Variants in ATG7 observed in about 807,000 individuals in gnomAD.
The protein encoded by ATG7 is ubiquitin-like modifier-activating enzyme ATG7.
ATG7 carries 70 observed loss-of-function variants against 82.4 expected under a neutral mutation model. That is an observed-to-expected ratio of 0.85 (90% confidence interval 0.70 to 1.04). The LOEUF (loss-of-function observed/expected upper bound fraction) is 1.04. Ranked by LOEUF, ATG7 falls within the 50% of genes least tolerant of loss-of-function variation. The pLI is 0.00. For synonymous variants in ATG7, 287 were observed against 313.0 expected, an observed-to-expected ratio of 0.92 and a Z score of 0.88; for missense variants, 792 against 864.3, an observed-to-expected ratio of 0.92 and a Z score of 1.05.
intron 18 of ATG7, among the ~76,000 whole-genome samples, chr3:11,378,625 C>T (rs1029914980): frequency 3.9e-5 from 5 of 128,288 alleles, no homozygotes; most frequent in Non-Finnish European, 6.1e-5. Context: ...GCAGAGGTTG[C>T]GGTGAGCTGA....
At chr3:11,475,908 C>CACACACACA (rs59230356) in intron 20 of ATG7, among the ~76,000 whole-genome samples, 3 of 145,556 alleles carry the variant, frequency 2.1e-5, no homozygotes, top group African/African-American at 5.3e-5. Context: ...CACACACACA[C>CACACACACA]CCCCTCCCAG....
intron 7 of ATG7, among the ~76,000 whole-genome samples, chr3:11,312,573 A>G (rs1477555703): frequency 6.6e-6 from 1 of 152,192 alleles, no homozygotes; most frequent in African/African-American, 2.4e-5. Flanking sequence ...TGCTCTGTCC[A>G]CAAAGTGAGC....
At chr3:11,322,810 A>G (rs1950383593) in intron 9 of ATG7, among the ~76,000 whole-genome samples, 1 of 152,166 alleles carries the variant, frequency 6.6e-6, no homozygotes, top group Non-Finnish European at 1.5e-5. Flanking sequence ...TGCGTTACAG[A>G]GTTTGAGGCT....
downstream of ATG7, among the ~76,000 whole-genome samples, chr3:11,560,069 C>T (rs530026735): frequency 3.3e-5 from 5 of 152,222 alleles, no homozygotes; most frequent in Admixed American, 2.0e-4. Context: ...CCCACCCCCA[C>T]GCTGTCTGCC....
chr3:11,359,121 T>C (rs1239211255), intron 15 of ATG7, among the ~76,000 whole-genome samples: 5 of 152,136 alleles, frequency 3.3e-5, no homozygotes, highest in South Asian at 2.1e-4. Flanking sequence ...AACATTGATA[T>C]GTATTTTCTT....
At chr3:11,276,600 C>T (rs899896670) in intron 1 of ATG7, among the ~76,000 whole-genome samples, 33 of 152,280 alleles carry the variant, frequency 2.2e-4, no homozygotes, top group Non-Finnish European at 2.5e-4. Flanking sequence ...CATCAGACCT[C>T]GACATTGCCA....
intron 20 of ATG7, among the ~76,000 whole-genome samples, chr3:11,462,823 C>G (rs2086450338): frequency 6.6e-6 from 1 of 151,694 alleles, no homozygotes; most frequent in Non-Finnish European, 1.5e-5. Context: ...CACAAGGGCC[C>G]TGGCTCCTCT....
chr3:11,551,907 C>T (rs2071834080), intron 20 of ATG7, among the ~76,000 whole-genome samples: 1 of 151,882 alleles, frequency 6.6e-6, no homozygotes, highest in South Asian at 2.1e-4. Flanking sequence ...CACCACCACG[C>T]CTGGCTAATT....
At chr3:11,492,151 A>T (rs2090422176) in intron 20 of ATG7, among the ~76,000 whole-genome samples, 1 of 152,170 alleles carries the variant, frequency 6.6e-6, no homozygotes, top group East Asian at 1.9e-4. Context: ...CAGGTGTGGA[A>T]TACAATCTCC....
rs1237215530 is a variant in ATG7, at chr3:11,556,042, G to A, written c.*1199G>A. ...GGCCCGAGTCCGCCCACCCAGCCTG[G>A]CGCTGAAACTGCACACGTACACTAT... On this transcript the variant is annotated 3_prime_UTR_variant, in exon 21 of 21. Coordinates refer to ENST00000693202, the MANE Select transcript of ATG7 (RefSeq NM_001349232.2). 6.5e-6 allele frequency: 1 copy of A among 152,728 alleles called. No individual in the cohort carries two copies. Among genetic ancestry groups the A allele is most frequent in the Non-Finnish European group, 1.5e-5 (1 of 68,040 alleles). 9.5% of individuals were successfully genotyped at this position (152,728 alleles called of 1,614,324 possible).
chr3:11,501,753 G>A (rs760608548), intron 20 of ATG7, among the ~76,000 whole-genome samples: 5 of 152,072 alleles, frequency 3.3e-5, no homozygotes, highest in Admixed American at 1.3e-4. Flanking sequence ...GCAGTGGTGC[G>A]ATTGTGGCTC....
the ATG7 span, among the ~76,000 whole-genome samples, chr3:11,564,069 A>G: frequency 1.3e-5 from 2 of 152,202 alleles, no homozygotes; most frequent in Non-Finnish European, 1.5e-5. Flanking sequence ...AATGCTGACT[A>G]CTGACTAAGG....
intron 7 of ATG7, among the ~76,000 whole-genome samples, chr3:11,312,158 G>C (rs1948766386): frequency 6.6e-6 from 1 of 151,896 alleles, no homozygotes; most frequent in South Asian, 2.1e-4. Context: ...TTTTAACATG[G>C]TGAATTTTAT....
At chr3:11,409,552 G>T (rs1360598762) in intron 19 of ATG7, among the ~76,000 whole-genome samples, 1 of 152,216 alleles carries the variant, frequency 6.6e-6, no homozygotes, top group African/African-American at 2.4e-5. Flanking sequence ...TCAACTTATA[G>T]TTGGTGTATA....
intron 20 of ATG7, among the ~76,000 whole-genome samples, chr3:11,512,468 C>G (rs1331576524): frequency 6.6e-6 from 1 of 152,206 alleles, no homozygotes; most frequent in East Asian, 1.9e-4. Flanking sequence ...CAGATTAACT[C>G]TGAAATCAAA....
chr3:11,440,581 C>T (rs1243794775), intron 20 of ATG7, among the ~76,000 whole-genome samples: 2 of 150,666 alleles, frequency 1.3e-5, no homozygotes, highest in Non-Finnish European at 3.0e-5. Flanking sequence ...GCCTCGGCCT[C>T]CCAAAGTGCT....
chr3:11,512,195 C>T (rs1385685278), intron 20 of ATG7, among the ~76,000 whole-genome samples: 2 of 152,208 alleles, frequency 1.3e-5, no homozygotes, highest in Middle Eastern at 6.3e-3. Context: ...GTCTCCTTAA[C>T]TTTCCAACTA....
intron 12 of ATG7, 22 bp downstream of exon 12, chr3:11,340,757 C>T (rs1953428015): frequency 6.2e-7 from 1 of 1,605,314 alleles, no homozygotes; most frequent in Non-Finnish European, 8.5e-7. Flanking sequence ...AAGCTGTTTT[C>T]TCCAGTCGGG....
chr3:11,412,784 C>T (rs2152919443), intron 19 of ATG7, among the ~76,000 whole-genome samples: 1 of 152,154 alleles, frequency 6.6e-6, no homozygotes, highest in African/African-American at 2.4e-5. Context: ...AGGATCTTAA[C>T]AATACTAATT....
Sources: allele counts gnomAD v4.1 joint callset (sites outside exome capture counted in the v4.1 genomes callset), GRCh38; gene constraint gnomAD v4.1.1; transcripts MANE v1.5; gene names NCBI Gene and HGNC (gene_info 2026-07-23, HGNC 2026-07-21).